GRIK1: variants seen among roughly 807,000 people sequenced by gnomAD.
GRIK1 encodes glutamate receptor ionotropic, kainate 1.
A neutral mutation model predicts 105.7 loss-of-function variants in GRIK1; 69 were observed. The observed-to-expected ratio is 0.65, with a 90% CI of 0.54 to 0.80. The LOEUF (loss-of-function observed/expected upper bound fraction) is 0.80. Ranked by LOEUF, GRIK1 falls within the 30% of genes least tolerant of loss-of-function variation. GRIK1 has a pLI of 0.00. For missense variants in GRIK1, 1,109 were observed against 1,167.3 expected, an observed-to-expected ratio of 0.95 and a Z score of 0.73; for synonymous variants, 438 against 431.3, an observed-to-expected ratio of 1.02 and a Z score of -0.19.
chr21:29,829,798 G>A (rs947830373), intron 1 of GRIK1, among the ~76,000 whole-genome samples: 2 of 152,120 alleles, frequency 1.3e-5, no homozygotes, highest in African/African-American at 2.4e-5. Context: ...GCACAGATAG[G>A]ATTGATTCAC....
At chr21:29,780,679 T>G (rs1390328730) in intron 1 of GRIK1, among the ~76,000 whole-genome samples, 5 of 152,198 alleles carry the variant, frequency 3.3e-5, no homozygotes, top group Non-Finnish European at 7.4e-5. Flanking sequence ...TTTTATCACT[T>G]GATTTCAAGC....
chr21:29,779,637 C>T (rs2066036848), intron 1 of GRIK1, among the ~76,000 whole-genome samples: 1 of 152,038 alleles, frequency 6.6e-6, no homozygotes, highest in African/African-American at 2.4e-5. Flanking sequence ...GGCTTTATGG[C>T]CATGAATATA....
chr21:29,873,468 GT>G (rs1469996991), intron 1 of GRIK1, among the ~76,000 whole-genome samples: 1 of 152,148 alleles, frequency 6.6e-6, no homozygotes, highest in Non-Finnish European at 1.5e-5. Context: ...GTCTTGGTTG[GT>G]TTTCTTATCT....
chr21:29,835,572 A>G (rs1275897801), intron 1 of GRIK1, among the ~76,000 whole-genome samples: 3 of 152,170 alleles, frequency 2.0e-5, no homozygotes, highest in Non-Finnish European at 4.4e-5. Context: ...TCTCCAAACA[A>G]CTGATCATTT....
intron 15 of GRIK1, among the ~76,000 whole-genome samples, chr21:29,560,554 T>TTCTC (rs2090444894): frequency 8.3e-6 from 1 of 121,036 alleles, no homozygotes; most frequent in African/African-American, 3.6e-5. Context: ...CTTTCTTTCT[T>TTCTC]TCTTTCTTTC....
chr21:29,556,069 G>C (rs2090247207), intron 15 of GRIK1, among the ~76,000 whole-genome samples: 1 of 152,142 alleles, frequency 6.6e-6, no homozygotes, highest in Admixed American at 6.5e-5. Flanking sequence ...GGTTCTGGTT[G>C]GATTAAAGAG....
intron 4 of GRIK1, among the ~76,000 whole-genome samples, chr21:29,659,734 A>G (rs1310486174): frequency 1.3e-5 from 2 of 152,072 alleles, no homozygotes; most frequent in Non-Finnish European, 2.9e-5. Context: ...GCCGAGTTGG[A>G]CGGATCACCT....
rs147370359 is a variant in GRIK1, at chr21:29,562,453, C to T, written c.2131-604G>A. Among the ~76,000 whole-genome samples the T allele has an allele frequency of 6.9e-3, 1,049 of 152,210 alleles. 16 individuals are homozygous for T. Among genetic ancestry groups the T allele is most frequent in the African/African-American group, 0.024 (1,003 of 41,524 alleles). ...GCAGATCACATAAAGGTTAGGAGTT[C>T]GAGACCAGCTTGACCAACATGGTGA... On this transcript the variant is annotated intron_variant, in intron 14 of 17. Transcript: ENST00000327783.
At chr21:29,683,315 C>CCA (rs1333947095) in intron 3 of GRIK1, among the ~76,000 whole-genome samples, 1 of 152,130 alleles carries the variant, frequency 6.6e-6, no homozygotes, top group Non-Finnish European at 1.5e-5. Flanking sequence ...TCCAAAAAAC[C>CCA]CACACACTCA....
chr21:29,915,500 T>C (rs1336618252), intron 1 of GRIK1, among the ~76,000 whole-genome samples: 1 of 152,072 alleles, frequency 6.6e-6, no homozygotes, highest in Non-Finnish European at 1.5e-5. Context: ...CCTGCTAGTC[T>C]AGTTTCAAAC....
At chr21:29,930,386 C>G (rs1054705332) in intron 1 of GRIK1, among the ~76,000 whole-genome samples, 4 of 152,066 alleles carry the variant, frequency 2.6e-5, no homozygotes, top group African/African-American at 9.7e-5. Context: ...AAAAGAAAAC[C>G]TTTAAAAGTT....
At position 29,806,737 on chromosome 21, in the gene GRIK1, T is replaced by C. The variant is rs146216210; in HGVS notation, c.119-112674A>G. On this transcript the variant is annotated intron_variant, in intron 1 of 17. Transcript: ENST00000327783. ...GCTGGGCACTGAAGATATGTAACAA[T>C]AAACAAACCACACAGGATCTTTGTT... 6.9e-3 allele frequency among the ~76,000 whole-genome samples: 1,056 copies of C among 152,230 alleles called. 4 individuals are homozygous for C. Among genetic ancestry groups the C allele is most frequent in the Non-Finnish European group, 0.011 (745 of 67,982 alleles).
At chr21:29,540,042 G>A (rs988758001) in intron 16 of GRIK1, among the ~76,000 whole-genome samples, 13 of 152,044 alleles carry the variant, frequency 8.6e-5, no homozygotes, top group Admixed American at 7.2e-4. Context: ...TTGATTTTAG[G>A]CATGTCACTT....
At chr21:29,574,989 C>T (rs113573052) in intron 14 of GRIK1, among the ~76,000 whole-genome samples, 2,307 of 151,950 alleles carry the variant, frequency 0.015, 67 homozygotes, top group African/African-American at 0.053. Context: ...CCACCGCGCC[C>T]GGCCTAAATA....
intron 1 of GRIK1, among the ~76,000 whole-genome samples, chr21:29,743,687 T>C (rs1373416043): frequency 6.6e-6 from 1 of 152,072 alleles, no homozygotes; most frequent in Non-Finnish European, 1.5e-5. Flanking sequence ...AGAGTGAGAC[T>C]CCATCTCAGA....
intron 1 of GRIK1, among the ~76,000 whole-genome samples, chr21:29,830,440 A>G (rs943426511): frequency 3.3e-5 from 5 of 152,126 alleles, no homozygotes; most frequent in African/African-American, 1.2e-4. Context: ...AAAATGTGAT[A>G]GATCCATTCC....
intron 7 of GRIK1, among the ~76,000 whole-genome samples, chr21:29,633,496 C>T (rs534126347): frequency 2.6e-4 from 39 of 151,198 alleles, no homozygotes; most frequent in African/African-American, 9.3e-4. Context: ...GACTCTGTCT[C>T]TAAAATAAAA....
intron 1 of GRIK1, among the ~76,000 whole-genome samples, chr21:29,915,070 G>A (rs1223868056): frequency 6.6e-6 from 1 of 151,954 alleles, no homozygotes; most frequent in Non-Finnish European, 1.5e-5. Context: ...ATCAAAAAAT[G>A]ACTGTCAATT....
chr21:29,558,093 C>G (rs1032640252), intron 15 of GRIK1, among the ~76,000 whole-genome samples: 4 of 152,064 alleles, frequency 2.6e-5, no homozygotes, highest in Non-Finnish European at 4.4e-5. Flanking sequence ...CAGAGTTTTA[C>G]TTTAAATCTC....
Sources: allele counts gnomAD v4.1 joint callset (sites outside exome capture counted in the v4.1 genomes callset), GRCh38; gene constraint gnomAD v4.1.1; transcripts MANE v1.5; gene names NCBI Gene and HGNC (gene_info 2026-07-23, HGNC 2026-07-21).